The following NRG3 variants were observed in gnomAD, a reference collection of about 807,000 sequenced individuals.
NRG3 encodes neuregulin 3.
NRG3 carries 31 observed loss-of-function variants against 66.9 expected under a neutral mutation model. The ratio of observed to expected loss-of-function variants is 0.46; its 90% CI spans 0.35 to 0.63. The LOEUF (loss-of-function observed/expected upper bound fraction) is 0.63. NRG3 is among the 20% of genes least tolerant of loss of function. The pLI is 0.00. For synonymous variants in NRG3, 393 were observed against 359.4 expected (o/e 1.09, Z -1.06); for missense variants, 910 against 878.9 (o/e 1.04, Z -0.45).
chr10:82,727,108 A>G (rs1414066748), intron 2 of NRG3, among the ~76,000 whole-genome samples: 1 of 152,206 alleles, frequency 6.6e-6, no homozygotes, highest in East Asian at 1.9e-4. Flanking sequence ...ATTCAGTTTT[A>G]TAAGGGAAGC....
At chr10:82,444,489 T>C (rs2090611416) in intron 2 of NRG3, among the ~76,000 whole-genome samples, 1 of 152,074 alleles carries the variant, frequency 6.6e-6, no homozygotes, top group Non-Finnish European at 1.5e-5. Context: ...AGACAAACAA[T>C]TGATAAATAA....
intron 4 of NRG3, among the ~76,000 whole-genome samples, chr10:82,877,656 T>C (rs1841957582): frequency 6.6e-6 from 1 of 150,872 alleles, no homozygotes; most frequent in Non-Finnish European, 1.5e-5. Context: ...CCCAAAGTGC[T>C]GGGATTACAG....
intron 2 of NRG3, among the ~76,000 whole-genome samples, chr10:82,603,497 A>G (rs1021807693): frequency 6.6e-6 from 1 of 152,080 alleles, no homozygotes; most frequent in African/African-American, 2.4e-5. Context: ...CATGTGGTCA[A>G]CTCTAACTGT....
chr10:82,402,541 C>CT (rs1454583317), intron 2 of NRG3, among the ~76,000 whole-genome samples: 7 of 152,110 alleles, frequency 4.6e-5, no homozygotes, highest in Admixed American at 3.9e-4. Flanking sequence ...GACTTTAGAA[C>CT]TTTAAGTCAT....
At chr10:81,968,098 G>C (rs1279695777) in intron 1 of NRG3, among the ~76,000 whole-genome samples, 3 of 152,206 alleles carry the variant, frequency 2.0e-5, no homozygotes, top group Admixed American at 2.0e-4. Flanking sequence ...CAGAATGTCA[G>C]TGGAAAGAGG....
chr10:82,680,237 A>T (rs1246874166), intron 2 of NRG3, among the ~76,000 whole-genome samples: 1 of 152,210 alleles, frequency 6.6e-6, no homozygotes, highest in Non-Finnish European at 1.5e-5. Context: ...GCAATGCCTC[A>T]CATCTAATAA....
chr10:81,943,827 T>C (rs1157048656), intron 1 of NRG3, among the ~76,000 whole-genome samples: 1 of 152,184 alleles, frequency 6.6e-6, no homozygotes, highest in African/African-American at 2.4e-5. Flanking sequence ...CTTCCACTGA[T>C]GATTTTTTTC....
At chr10:81,971,996 C>G (rs533409933) in intron 1 of NRG3, among the ~76,000 whole-genome samples, 1 of 152,194 alleles carries the variant, frequency 6.6e-6, no homozygotes, top group African/African-American at 2.4e-5. Context: ...TTAGTGGGAA[C>G]AATACCTGAC....
chr10:82,621,779 C>A (rs652183), intron 2 of NRG3, among the ~76,000 whole-genome samples: 87,854 of 151,440 alleles, frequency 0.58, 28,027 homozygotes, highest in African/African-American at 0.85. Context: ...GTAAGGTAGC[C>A]AACTCTGGCA....
intron 1 of NRG3, among the ~76,000 whole-genome samples, chr10:82,161,188 C>T (rs2071569164): frequency 1.3e-5 from 2 of 151,970 alleles, no homozygotes; most frequent in African/African-American, 4.8e-5. Flanking sequence ...AGCCTGGAGC[C>T]CCAGGAAGTG....
chr10:82,684,140 A>G (rs565452946), intron 2 of NRG3, among the ~76,000 whole-genome samples: 1 of 152,248 alleles, frequency 6.6e-6, no homozygotes, highest in Non-Finnish European at 1.5e-5. Flanking sequence ...ACAAGGATAC[A>G]TTTTAATAAT....
At chr10:82,131,487 TTC>T (rs1211223369) in intron 1 of NRG3, among the ~76,000 whole-genome samples, 50 of 151,450 alleles carry the variant, frequency 3.3e-4, no homozygotes, top group Non-Finnish European at 5.9e-4. Context: ...TCCAGTTTTT[TTC>T]TTTTTGCCCA....
At chr10:82,768,089 C>T (rs1379570133) in intron 3 of NRG3, among the ~76,000 whole-genome samples, 4 of 152,156 alleles carry the variant, frequency 2.6e-5, no homozygotes, top group African/African-American at 9.7e-5. Context: ...GCCTTCCAGG[C>T]TCCTTTCTAA....
intron 3 of NRG3, among the ~76,000 whole-genome samples, chr10:82,813,949 C>A (rs985104729): frequency 6.6e-6 from 1 of 152,220 alleles, no homozygotes; most frequent in Non-Finnish European, 1.5e-5. Flanking sequence ...GCGCGTGACT[C>A]CTCAGTCCCA....
At chr10:82,210,693 C>T (rs2075353218) in intron 1 of NRG3, among the ~76,000 whole-genome samples, 1 of 151,974 alleles carries the variant, frequency 6.6e-6, no homozygotes, top group Non-Finnish European at 1.5e-5. Context: ...GAGAAAACAC[C>T]CTAAATCAAC....
intron 1 of NRG3, among the ~76,000 whole-genome samples, chr10:82,102,449 A>C (rs532958782): frequency 2.0e-5 from 3 of 151,332 alleles, no homozygotes; most frequent in African/African-American, 7.3e-5. Flanking sequence ...TAGATCATTT[A>C]TATACAGTAA....
intron 1 of NRG3, among the ~76,000 whole-genome samples, chr10:82,008,561 G>A (rs1410106665): frequency 6.6e-6 from 1 of 152,118 alleles, no homozygotes; most frequent in Non-Finnish European, 1.5e-5. Flanking sequence ...TTAACCAAGG[G>A]GAGGGCAATG....
intron 3 of NRG3, among the ~76,000 whole-genome samples, chr10:82,776,706 T>C (rs1301757647): frequency 6.6e-6 from 1 of 151,962 alleles, no homozygotes; most frequent in Non-Finnish European, 1.5e-5. Flanking sequence ...TAGTCTGCTG[T>C]TGACTCTTAC....
chr10:82,686,655 G>A (rs1412142444), intron 2 of NRG3, among the ~76,000 whole-genome samples: 1 of 152,120 alleles, frequency 6.6e-6, no homozygotes, highest in East Asian at 1.9e-4. Flanking sequence ...AGTCATATAC[G>A]CAGTCTGTTG....
Sources: allele counts gnomAD v4.1 joint callset (sites outside exome capture counted in the v4.1 genomes callset), GRCh38; gene constraint gnomAD v4.1.1; transcripts MANE v1.5; gene names NCBI Gene and HGNC (gene_info 2026-07-23, HGNC 2026-07-21).